ACOXL: variants seen among roughly 807,000 people sequenced by gnomAD.
The protein encoded by ACOXL is acyl-CoA oxidase like.
A neutral mutation model predicts 71.9 loss-of-function variants in ACOXL; 70 were observed. The ratio of observed to expected loss-of-function variants is 0.97; its 90% CI spans 0.80 to 1.19. The LOEUF (loss-of-function observed/expected upper bound fraction) is 1.19. Among genes scored for constraint, ACOXL ranks in the 50% most tolerant of loss-of-function variants. ACOXL has a pLI of 0.00. For synonymous variants in ACOXL, 253 were observed against 281.6 expected (o/e 0.90, Z 1.02); for missense variants, 703 against 736.3 (o/e 0.95, Z 0.52).
chr2:110,822,482 A>G (rs1033687832), intron 9 of ACOXL, among the ~76,000 whole-genome samples: 4 of 152,212 alleles, frequency 2.6e-5, no homozygotes, highest in African/African-American at 9.7e-5. Flanking sequence ...CATCTAGAGT[A>G]CAGTGCTGAT....
chr2:110,836,199 G>A (rs536687519), intron 9 of ACOXL, among the ~76,000 whole-genome samples: 54 of 152,332 alleles, frequency 3.5e-4, no homozygotes, highest in African/African-American at 1.2e-3. Context: ...CAGCCCTGGA[G>A]GGGGCTGTTG....
chr2:111,070,353 G>A (rs1328778363), intron 16 of ACOXL, among the ~76,000 whole-genome samples: 1 of 152,034 alleles, frequency 6.6e-6, no homozygotes, highest in Admixed American at 6.5e-5. Flanking sequence ...TGTCTTTTAC[G>A]GGAACATGGA....
At chr2:111,017,788 CA>C (rs2064531043) in intron 14 of ACOXL, 1 of 152,288 alleles carries the variant, frequency 6.6e-6, no homozygotes, top group Non-Finnish European at 1.5e-5. Context: ...TGCTTGCCAG[CA>C]CCTTGGGCAG....
At position 111,011,502 on chromosome 2, in the gene ACOXL, G is replaced by A. The variant is rs189129249; in HGVS notation, c.1281+15498G>A. The stretch of plus-strand genomic sequence containing the variant: ...GTCTTCCATATGCTTTGAATGGAAA[G>A]ACAAGGACAGGAAAAGATATAGCAT... On this transcript the variant is annotated intron_variant, in intron 14 of 17. Coordinates refer to ENST00000439055, the MANE Select transcript of ACOXL (RefSeq NM_001142807.4). Among the ~76,000 whole-genome samples, 747 of 152,294 alleles carry A rather than the reference G, an allele frequency of 4.9e-3. 5 individuals are homozygous for A. The highest frequency in any genetic ancestry group is 0.017 in the Middle Eastern group (5 of 294).
At chr2:110,809,094 G>A (rs1240382137) in intron 9 of ACOXL, among the ~76,000 whole-genome samples, 2 of 152,244 alleles carry the variant, frequency 1.3e-5, no homozygotes, top group African/African-American at 4.8e-5. Context: ...CCCCACTGCC[G>A]GGTCCATGTT....
At chr2:110,838,259 T>C (rs1690698144) in intron 9 of ACOXL, among the ~76,000 whole-genome samples, 1 of 151,408 alleles carries the variant, frequency 6.6e-6, no homozygotes, top group Non-Finnish European at 1.5e-5. Context: ...TGTGGACGAG[T>C]GTATGTGTGT....
At chr2:111,045,605 C>T (rs1368652571) in intron 15 of ACOXL, among the ~76,000 whole-genome samples, 1 of 151,866 alleles carries the variant, frequency 6.6e-6, no homozygotes, top group Non-Finnish European at 1.5e-5. Flanking sequence ...AAATTACCCA[C>T]TCTCAGGTAT....
At chr2:111,110,466 T>C (rs1424342825) in intron 17 of ACOXL, among the ~76,000 whole-genome samples, 1 of 152,230 alleles carries the variant, frequency 6.6e-6, no homozygotes, top group Non-Finnish European at 1.5e-5. Context: ...TGCTTTTCAG[T>C]TTCCATGAAC....
intron 17 of ACOXL, among the ~76,000 whole-genome samples, chr2:111,094,670 A>T (rs1236694047): frequency 6.6e-6 from 1 of 152,184 alleles, no homozygotes; most frequent in Non-Finnish European, 1.5e-5. Context: ...TCACTGTTGC[A>T]TTGGGGATTA....
chr2:110,870,297 C>G (rs1027319651), intron 10 of ACOXL, among the ~76,000 whole-genome samples: 2 of 151,872 alleles, frequency 1.3e-5, no homozygotes, highest in African/African-American at 4.8e-5. Context: ...CTGGGCAGGC[C>G]TTGTGTAGTG....
intron 12 of ACOXL, among the ~76,000 whole-genome samples, chr2:110,984,789 G>A (rs1680389941): frequency 6.6e-6 from 1 of 152,164 alleles, no homozygotes; most frequent in Non-Finnish European, 1.5e-5. Flanking sequence ...GAGATAGGGA[G>A]AACAGGAAGG....
intron 2 of ACOXL, among the ~76,000 whole-genome samples, chr2:110,783,570 G>A (rs1559255842): frequency 6.6e-6 from 1 of 152,130 alleles, no homozygotes; most frequent in Non-Finnish European, 1.5e-5. Flanking sequence ...ATTCAAGGAA[G>A]GTTAGTTATC....
At chr2:110,837,470 AATTATT>A (rs1459408819) in intron 9 of ACOXL, among the ~76,000 whole-genome samples, 1 of 152,100 alleles carries the variant, frequency 6.6e-6, no homozygotes, top group African/African-American at 2.4e-5. Context: ...TGTTTTTAAA[AATTATT>A]ATTATTTTAC....
At chr2:110,877,188 TCA>T (rs1696029129) in intron 10 of ACOXL, among the ~76,000 whole-genome samples, 2 of 152,246 alleles carry the variant, frequency 1.3e-5, no homozygotes, top group South Asian at 4.1e-4. Context: ...TGTGGCTGTC[TCA>T]CAGTTCCTGC....
chr2:110,912,681 C>A (rs1488106533), intron 11 of ACOXL, among the ~76,000 whole-genome samples: 1 of 152,044 alleles, frequency 6.6e-6, no homozygotes, highest in East Asian at 1.9e-4. Context: ...ATCTTTGCAA[C>A]TGTAGGTTAG....
At chr2:110,862,621 C>T (rs1694085250) in intron 10 of ACOXL, among the ~76,000 whole-genome samples, 3 of 152,208 alleles carry the variant, frequency 2.0e-5, no homozygotes, top group African/African-American at 2.4e-5. Context: ...ATGTGTTGGG[C>T]GGAAGCCCAG....
At chr2:110,984,278 T>C (rs1209644815) in intron 12 of ACOXL, among the ~76,000 whole-genome samples, 4 of 152,174 alleles carry the variant, frequency 2.6e-5, no homozygotes. Context: ...CACACACACA[T>C]ATATACTACA....
rs202175537 is a variant in ACOXL, at chr2:111,035,073, T to A, written c.1369+3359T>A. On this transcript the variant is annotated intron_variant, in intron 15 of 17. Transcript: ENST00000439055. ...AGTAGAGACGGGGTTTCACTGTGTT[T>A]GCCAGGGTGGTCTCAATCTCCTGAC... is the stretch of plus-strand genomic sequence containing the variant. Among the ~76,000 whole-genome samples the A allele has an allele frequency of 6.4e-4, 97 of 152,172 alleles. 1 individual carries two copies. In the East Asian group the frequency reaches 0.017, roughly 27 times the overall value.
At chr2:111,095,391 C>CT (rs780172456) in intron 17 of ACOXL, among the ~76,000 whole-genome samples, 46,131 of 116,660 alleles carry the variant, frequency 0.4, 9,615 homozygotes, top group East Asian at 0.6. Flanking sequence ...TTTTCTTTTT[C>CT]TTTTTTTTTT....
Sources: gnomAD v4.1 joint callset for allele counts (sites outside exome capture counted in the v4.1 genomes callset) on GRCh38, gnomAD v4.1.1 for gene constraint, MANE v1.5 for transcripts, NCBI Gene and HGNC (gene_info 2026-07-23, HGNC 2026-07-21) for gene names.